Variants in UBE2Q2 observed in about 807,000 individuals in gnomAD.
UBE2Q2 encodes ubiquitin-conjugating enzyme E2 Q2.
In UBE2Q2, 54 loss-of-function variants were observed where a neutral mutation model predicts 59.9. The ratio of observed to expected loss-of-function variants is 0.90; its 90% CI spans 0.72 to 1.13. The LOEUF (loss-of-function observed/expected upper bound fraction) is 1.13, where lower values mean the gene tolerates loss of function less well. Ranked by LOEUF, UBE2Q2 falls within the 50% of genes most tolerant of loss-of-function variation. The probability of loss-of-function intolerance (pLI) is 0.00; values close to 1 mark genes in which losing one functional copy is unlikely to be tolerated. For missense variants in UBE2Q2, 433 were observed against 441.9 expected, an observed-to-expected ratio of 0.98 and a Z score of 0.18; for synonymous variants, 165 against 155.2, an observed-to-expected ratio of 1.06 and a Z score of -0.47.
intron 2 of UBE2Q2, 43 bp downstream of exon 2, chr15:75,854,530 A>G: frequency 8.2e-7 from 1 of 1,218,146 alleles, no homozygotes; most frequent in Non-Finnish European, 1.2e-6. Context: ...CCTCATGAAC[A>G]TTACATATAG....
Position 75,868,977 on chromosome 15 carries a change from AGAAGAAGAG to A in UBE2Q2, c.423_431del (p.Glu144_Glu146del). On this transcript the variant is annotated inframe_deletion, in exon 4 of 13. Transcript: ENST00000267938. The stretch of plus-strand genomic sequence containing the variant: ...ATGGGACAACAGAAGAAGTGACTTC[AGAAGAAGAG>A]GAAGAAGAAGAAGAGATGGCTGAAG... 1 of 1,612,874 alleles carries A rather than the reference AGAAGAAGAG, an allele frequency of 6.2e-7. No individual in the cohort carries two copies. The highest frequency in any genetic ancestry group is 1.7e-4 in the Middle Eastern group (1 of 6,046).
intron 1 of UBE2Q2, among the ~76,000 whole-genome samples, chr15:75,853,662 T>A (rs1327272073): frequency 6.6e-6 from 1 of 152,148 alleles, no homozygotes; most frequent in Non-Finnish European, 1.5e-5. Context: ...CAACAAACAT[T>A]ATCTCACCAT....
intron 5 of UBE2Q2, among the ~76,000 whole-genome samples, chr15:75,874,287 T>C (rs1897952618): frequency 8.0e-6 from 1 of 125,336 alleles, no homozygotes; most frequent in Non-Finnish European, 1.6e-5. Context: ...CTTAACATCC[T>C]TTTTTTTTTT....
rs543324122 is a variant in UBE2Q2 at position 75,844,148 on chromosome 15, G to A, written c.180+302G>A. The A allele has an allele frequency of 1.1e-5, 16 of 1,427,936 alleles. No individual in the cohort carries two copies. The South Asian group carries it at 2.4e-4, about 21-fold the overall frequency. 88.5% of individuals were successfully genotyped at this position (1,427,936 alleles called of 1,614,324 possible). Reference sequence around the variant, plus strand: ...GGAGTCCGCGGCGGCCCAAGCCCTTGTGGGGTCCATGGCCGCCCTCAGCCG... The same window carrying A: ...GGAGTCCGCGGCGGCCCAAGCCCTTATGGGGTCCATGGCCGCCCTCAGCCG... On this transcript the variant is annotated intron_variant, in intron 1 of 12. Coordinates refer to ENST00000267938, the MANE Select transcript of UBE2Q2 (RefSeq NM_173469.4).
At chr15:75,860,543 A>G (rs1324883588) in intron 3 of UBE2Q2, among the ~76,000 whole-genome samples, 1 of 152,180 alleles carries the variant, frequency 6.6e-6, no homozygotes. Context: ...TAGTCATATA[A>G]GTAATCACTA....
intron 1 of UBE2Q2, among the ~76,000 whole-genome samples, chr15:75,851,154 TGGG>T (rs1555417858): frequency 1.3e-5 from 2 of 150,910 alleles, no homozygotes; most frequent in African/African-American, 4.9e-5. Flanking sequence ...TTTTTTGAGA[TGGG>T]GGTTCACTGT....
At chr15:75,873,397 G>C in intron 4 of UBE2Q2, 31 bp from the exon 5 acceptor site, 1 of 1,559,118 alleles carries the variant, frequency 6.4e-7, no homozygotes, top group Non-Finnish European at 8.6e-7. Flanking sequence ...AAAATAGGTT[G>C]AATAAGCTAA....
At chr15:75,897,663 A>G (rs1899509299) in intron 12 of UBE2Q2, among the ~76,000 whole-genome samples, 1 of 149,854 alleles carries the variant, frequency 6.7e-6, no homozygotes, top group Admixed American at 6.7e-5. Flanking sequence ...TTAGGAACTG[A>G]GTTAAAGGCA....
chr15:75,866,291 A>T (rs1297875376), intron 3 of UBE2Q2, among the ~76,000 whole-genome samples: 1 of 151,846 alleles, frequency 6.6e-6, no homozygotes, highest in East Asian at 1.9e-4. Context: ...CTCCCACCTC[A>T]GCCTCTTGAG....
chr15:75,876,433 A>C (rs1378140171), intron 6 of UBE2Q2, among the ~76,000 whole-genome samples, 162 bp downstream of exon 6: 1 of 152,220 alleles, frequency 6.6e-6, no homozygotes, highest in African/African-American at 2.4e-5. Context: ...AAGATGTAGG[A>C]GTAAAATAGG....
intron 1 of UBE2Q2, among the ~76,000 whole-genome samples, chr15:75,849,707 A>T (rs1209835703): frequency 1.3e-5 from 2 of 152,204 alleles, no homozygotes; most frequent in Non-Finnish European, 2.9e-5. Flanking sequence ...CTTCATTCTC[A>T]CAGGCCTTAG....
intron 11 of UBE2Q2, among the ~76,000 whole-genome samples, chr15:75,892,636 GA>G (rs1209165847): frequency 6.6e-6 from 1 of 152,128 alleles, no homozygotes; most frequent in Non-Finnish European, 1.5e-5. Context: ...GAGGCAGGAG[GA>G]TGGCTTGAGC....
chr15:75,846,991 C>T (rs1158043105), intron 1 of UBE2Q2, among the ~76,000 whole-genome samples: 1 of 152,206 alleles, frequency 6.6e-6, no homozygotes, highest in Non-Finnish European at 1.5e-5. Flanking sequence ...GACCATCCGT[C>T]AAGGCTCTTC....
At chr15:75,878,086 T>C (rs1898187108) in intron 7 of UBE2Q2, 65 bp downstream of exon 7, 2 of 1,391,274 alleles carry the variant, frequency 1.4e-6, no homozygotes, top group Admixed American at 3.5e-5. Context: ...GAGGTTATTT[T>C]CCTTCTAACT....
rs191925341 is a variant in UBE2Q2, at chr15:75,899,250, A to G, written c.1097-177A>G. 4.9e-3 allele frequency among the ~76,000 whole-genome samples: 743 copies of G among 150,692 alleles called. 6 individuals carry two copies. The highest frequency in any genetic ancestry group is 0.017 in the African/African-American group (694 of 41,268). ...AGTTTGCGCCATTGCACTCCAGCCT[A>G]GGTAACAGAGTGAAACTCTGTCTCA... is the stretch of plus-strand genomic sequence containing the variant. On this transcript the variant is annotated intron_variant, in intron 12 of 12. Transcript: ENST00000267938.
intron 9 of UBE2Q2, among the ~76,000 whole-genome samples, chr15:75,888,721 CT>C (rs1898927337): frequency 6.6e-6 from 1 of 152,168 alleles, no homozygotes; most frequent in Non-Finnish European, 1.5e-5. Flanking sequence ...AGTTATCTTA[CT>C]TTTTGTATAG....
At chr15:75,898,026 T>A (rs912361873) in intron 12 of UBE2Q2, among the ~76,000 whole-genome samples, 10 of 152,160 alleles carry the variant, frequency 6.6e-5, no homozygotes, top group Admixed American at 2.6e-4. Flanking sequence ...CAGGTTTTCA[T>A]AATAATAATT....
In UBE2Q2 at chr15:75,843,755, A is replaced by T; in HGVS notation, c.89A>T (p.Lys30Met). 1 of 1,610,892 alleles carries T rather than the reference A, an allele frequency of 6.2e-7. No individual in the cohort carries two copies. Among genetic ancestry groups the T allele is most frequent in the South Asian group, 1.1e-5 (1 of 90,582 alleles). The change falls in exon 1 of 13, where the codon AAG (lysine) becomes ATG (methionine). Residue 30 changes from lysine to methionine, a missense_variant. Coordinates refer to ENST00000267938, the MANE Select transcript of UBE2Q2 (RefSeq NM_173469.4). ...GAGCGATTCCGCATCGTCAGTTGGA[A>T]GCTGGACGAGCTGCACTGCCAGTTC... is the stretch of plus-strand genomic sequence containing the variant. ...NHERFRIVSWKLDELHCQFLV... is the reference protein window; with the variant it reads ...NHERFRIVSWMLDELHCQFLV...
chr15:75,861,602 C>T (rs908381817), intron 3 of UBE2Q2, among the ~76,000 whole-genome samples: 1 of 152,106 alleles, frequency 6.6e-6, no homozygotes, highest in Non-Finnish European at 1.5e-5. Context: ...GGATTTTAGA[C>T]CTCTTGTCTT....
Sources: gnomAD v4.1 joint callset for allele counts (sites outside exome capture counted in the v4.1 genomes callset) on GRCh38, gnomAD v4.1.1 for gene constraint, MANE v1.5 for transcripts, NCBI Gene and HGNC (gene_info 2026-07-23, HGNC 2026-07-21) for gene names.